Variants in PPCDC observed in about 807,000 individuals in gnomAD.
PPCDC encodes the protein phosphopantothenoylcysteine decarboxylase.
A neutral mutation model predicts 20.7 loss-of-function variants in PPCDC; 20 were observed. The ratio of observed to expected loss-of-function variants is 0.97; its 90% confidence interval spans 0.68 to 1.41. PPCDC has a LOEUF of 1.41. PPCDC is among the 40% of genes most tolerant of loss of function. The pLI is 0.00. For missense variants in PPCDC, 246 were observed against 263.8 expected (o/e 0.93, Z 0.47); for synonymous variants, 88 against 100.3 (o/e 0.88, Z 0.73).
At chr15:75,032,013 C>G (rs1567049573) in intron 2 of PPCDC, among the ~76,000 whole-genome samples, 1 of 152,178 alleles carries the variant, frequency 6.6e-6, no homozygotes, top group Non-Finnish European at 1.5e-5. Context: ...GGACTCAGGA[C>G]AAGGGGAATC....
intron 2 of PPCDC, among the ~76,000 whole-genome samples, chr15:75,039,523 C>A (rs1450816069): frequency 6.6e-6 from 1 of 152,166 alleles, no homozygotes; most frequent in Non-Finnish European, 1.5e-5. Flanking sequence ...AGGAAGTCCT[C>A]CTGTATTCAG....
intron 2 of PPCDC, among the ~76,000 whole-genome samples, chr15:75,033,314 GAGA>G (rs1290122750): frequency 1.3e-5 from 2 of 152,136 alleles, no homozygotes; most frequent in African/African-American, 4.8e-5. Context: ...GCCCTTTATA[GAGA>G]AGGTTTGCCG....
At chr15:75,024,922 T>G (rs2065944212) in intron 1 of PPCDC, among the ~76,000 whole-genome samples, 1 of 149,246 alleles carries the variant, frequency 6.7e-6, no homozygotes, top group Non-Finnish European at 1.5e-5. Context: ...TTTTTTTTTT[T>G]GTGGTACTAT....
intron 2 of PPCDC, 196 bp from the exon 3 acceptor site, chr15:75,043,245 G>C (rs1040301985): frequency 5.5e-6 from 3 of 541,552 alleles, no homozygotes; most frequent in African/African-American, 3.9e-5. Flanking sequence ...AGCCACACCT[G>C]ATAGGGCCTG....
Position 75,044,245 on chromosome 15 carries a change from C to G in PPCDC, c.232-141C>G, listed in dbSNP as rs1192256298. 3 of 1,231,582 alleles carry G rather than the reference C, an allele frequency of 2.4e-6. No homozygotes were observed. In the African/African-American group the frequency reaches 4.5e-5, roughly 18 times the overall value. 76.3% of individuals were successfully genotyped at this position (1,231,582 alleles called of 1,614,324 possible). A position where few individuals can be genotyped will look rare whatever the true frequency, so the allele number is the denominator to read the frequency against. On this transcript the variant is annotated intron_variant, in intron 3 of 5. Coordinates refer to ENST00000342932, the MANE Select transcript of PPCDC (RefSeq NM_021823.5). ...TGGCTCCATGGCTAGCGCTCGCCAG[C>G]TTAGCTGCAGGAGGGAACGGAGGTT... is the stretch of plus-strand genomic sequence containing the variant.
intron 1 of PPCDC, among the ~76,000 whole-genome samples, chr15:75,026,033 C>T (rs192566335): frequency 6.6e-6 from 1 of 152,222 alleles, no homozygotes; most frequent in African/African-American, 2.4e-5. Flanking sequence ...GACTATAGTG[C>T]CTGCTGTGGG....
chr15:75,038,137 TCCTAGGA>T (rs2066108339), intron 2 of PPCDC, among the ~76,000 whole-genome samples: 1 of 152,180 alleles, frequency 6.6e-6, no homozygotes, highest in Non-Finnish European at 1.5e-5. Flanking sequence ...TTTGATGGAA[TCCTAGGA>T]CCTCTCCCTA....
chr15:75,032,487 TG>T (rs2066032793), intron 2 of PPCDC, among the ~76,000 whole-genome samples: 2 of 152,178 alleles, frequency 1.3e-5, no homozygotes, highest in African/African-American at 4.8e-5. Context: ...CTCTGTGGGG[TG>T]TATTTACAAA....
intron 1 of PPCDC, among the ~76,000 whole-genome samples, chr15:75,026,407 T>C (rs1477228365): frequency 6.6e-6 from 1 of 152,228 alleles, no homozygotes; most frequent in East Asian, 1.9e-4. Flanking sequence ...GGCCAAGCAT[T>C]GCCCTGGTTG....
chr15:75,029,424 A>AGTG (rs2065994837), intron 2 of PPCDC, among the ~76,000 whole-genome samples: 1 of 152,052 alleles, frequency 6.6e-6, no homozygotes, highest in African/African-American at 2.4e-5. Flanking sequence ...TCAGCTGAGC[A>AGTG]CCCAAGGTGC....
intron 2 of PPCDC, among the ~76,000 whole-genome samples, chr15:75,029,145 A>G (rs952307818): frequency 6.6e-6 from 1 of 152,026 alleles, no homozygotes; most frequent in African/African-American, 2.4e-5. Context: ...CAGGGCCCTT[A>G]GTTGGTCTGT....
intron 3 of PPCDC, 70 bp from the exon 4 acceptor site, chr15:75,044,316 C>A (rs1347881489): frequency 9.5e-6 from 15 of 1,586,746 alleles, no homozygotes; most frequent in African/African-American, 1.3e-5. Flanking sequence ...TCCTGACTTA[C>A]CGTACCTGGC....
chr15:75,037,473 G>A (rs1489865349), intron 2 of PPCDC, among the ~76,000 whole-genome samples: 5 of 152,202 alleles, frequency 3.3e-5, no homozygotes, highest in African/African-American at 1.2e-4. Context: ...GGGGCTGGGC[G>A]CGGTGGCTCA....
At chr15:75,034,044 T>C (rs560317929) in intron 2 of PPCDC, among the ~76,000 whole-genome samples, 1 of 152,180 alleles carries the variant, frequency 6.6e-6, no homozygotes, top group Non-Finnish European at 1.5e-5. Context: ...AAGGTCAGGG[T>C]CACAGAAGGG....
intron 2 of PPCDC, among the ~76,000 whole-genome samples, chr15:75,035,858 T>G (rs2066078336): frequency 6.6e-6 from 1 of 150,610 alleles, no homozygotes; most frequent in African/African-American, 2.5e-5. Flanking sequence ...TCCCAGCTAC[T>G]CTGGAGGCTG....
In PPCDC at chr15:75,028,336, C is replaced by T. The variant is rs763711245; in HGVS notation, c.18C>T (p.Ser6=). Residue 6 remains serine, a synonymous_variant, in exon 2 of 6, where the codon TCC becomes TCT. Transcript: ENST00000342932. MEPKA[S]CPAAAPLMER... is the part of the protein sequence containing the mutation. ...GACCCCACATGGAACCAAAGGCCTCCTGTCCAGCTGCTGCACCCTTGATGG... is the reference window on the plus strand; with the variant it reads ...GACCCCACATGGAACCAAAGGCCTCTTGTCCAGCTGCTGCACCCTTGATGG... The T allele has an allele frequency of 6.2e-7, 1 of 1,614,200 alleles. No homozygotes were observed. Among genetic ancestry groups the T allele is most frequent in the Non-Finnish European group, 8.5e-7 (1 of 1,180,028 alleles).
chr15:75,044,466 T>A lies in PPCDC; in HGVS notation c.312T>A (p.Asp104Glu). The A allele has an allele frequency of 6.2e-7, 1 of 1,614,206 alleles. No individual in the cohort carries two copies. The highest frequency in any genetic ancestry group is 8.5e-7 in the Non-Finnish European group (1 of 1,180,012). The change falls in exon 4 of 6, where the codon GAT becomes GAA. Residue 104 changes from aspartate to glutamate, a missense_variant. Physicochemically the swap from Asp to Glu is conservative, Grantham distance 45. This residue lies in a region of PPCDC where 225 missense variants were observed against 222.6 expected (regional missense o/e 1.01). Coordinates refer to ENST00000342932, the MANE Select transcript of PPCDC (RefSeq NM_021823.5). Reference sequence around the variant, plus strand: ...ACCTCCTGCTGGTGGCTCCTCTTGATGCCAACACTCTGGGGAAGGTGGCCA... The same window carrying A: ...ACCTCCTGCTGGTGGCTCCTCTTGAAGCCAACACTCTGGGGAAGGTGGCCA... ...WADLLLVAPL[D>E]ANTLGKVASG...
At chr15:75,030,181 C>G (rs1263706789) in intron 2 of PPCDC, among the ~76,000 whole-genome samples, 1 of 152,216 alleles carries the variant, frequency 6.6e-6, no homozygotes, top group African/African-American at 2.4e-5. Context: ...TTGGAGCTTG[C>G]CTTTCCCATT....
intron 2 of PPCDC, among the ~76,000 whole-genome samples, chr15:75,039,986 G>T (rs895698640): frequency 5.9e-5 from 9 of 152,108 alleles, no homozygotes; most frequent in African/African-American, 2.2e-4. Context: ...GTTTCTCCTT[G>T]TTGGTCAGGC....
Sources: allele counts gnomAD v4.1 joint callset (sites outside exome capture counted in the v4.1 genomes callset), GRCh38; gene constraint gnomAD v4.1.1; regional missense constraint gnomAD v4.1.1; transcripts MANE v1.5; gene names NCBI Gene and HGNC (gene_info 2026-07-23, HGNC 2026-07-21).